Variants in KCNQ5 observed in about 807,000 individuals in gnomAD.
KCNQ5 encodes potassium voltage-gated channel subfamily Q member 5, also known as potassium voltage-gated channel subfamily KQT member 5.
KCNQ5 carries 30 observed loss-of-function variants against 98.2 expected under a neutral mutation model. That is an observed-to-expected ratio of 0.31 (90% CI 0.23 to 0.41). The LOEUF (loss-of-function observed/expected upper bound fraction) is 0.41, where lower values mean the gene tolerates loss of function less well. KCNQ5 is among the 10% of genes least tolerant of loss of function. KCNQ5 has a pLI of 1.00. For missense variants in KCNQ5, 835 were observed against 1,182.5 expected, an observed-to-expected ratio of 0.71 and a Z score of 4.31; for synonymous variants, 458 against 449.4, an observed-to-expected ratio of 1.02 and a Z score of -0.24.
intron 3 of KCNQ5, among the ~76,000 whole-genome samples, chr6:73,067,775 G>A (rs1773117347): frequency 6.6e-6 from 1 of 151,726 alleles, no homozygotes; most frequent in Non-Finnish European, 1.5e-5. Flanking sequence ...ACCTTTCTAG[G>A]CCATAGCTTC....
chr6:72,983,535 G>T (rs1335175166), intron 1 of KCNQ5, among the ~76,000 whole-genome samples: 1 of 152,024 alleles, frequency 6.6e-6, no homozygotes, highest in Non-Finnish European at 1.5e-5. Context: ...GTCATTTAAG[G>T]TCTTCTCTAC....
At chr6:72,930,899 G>A (rs1488860719) in intron 1 of KCNQ5, among the ~76,000 whole-genome samples, 23 of 152,090 alleles carry the variant, frequency 1.5e-4, no homozygotes. Flanking sequence ...AAGACACTTG[G>A]GAATCAATGA....
chr6:72,935,174 G>A (rs1229666167), intron 1 of KCNQ5, among the ~76,000 whole-genome samples: 2 of 148,498 alleles, frequency 1.3e-5, no homozygotes, highest in South Asian at 2.2e-4. Flanking sequence ...AGGTTCAAGC[G>A]ATTCTCCTGC....
intron 1 of KCNQ5, among the ~76,000 whole-genome samples, chr6:72,861,439 A>G (rs1463976472): frequency 1.3e-5 from 2 of 152,156 alleles, no homozygotes; most frequent in East Asian, 3.9e-4. Flanking sequence ...GAATCCCGGG[A>G]GCACATAGGC....
chr6:72,640,041 GC>G (rs1258250289), intron 1 of KCNQ5, among the ~76,000 whole-genome samples: 1 of 152,072 alleles, frequency 6.6e-6, no homozygotes, highest in Non-Finnish European at 1.5e-5. Flanking sequence ...AACTGCAAAG[GC>G]CCTGATAGAG....
intron 1 of KCNQ5, among the ~76,000 whole-genome samples, chr6:72,652,710 A>G (rs1386164510): frequency 6.6e-6 from 1 of 152,024 alleles, no homozygotes; most frequent in Non-Finnish European, 1.5e-5. Context: ...GTGAATGTCA[A>G]AAGAGCTGTA....
chr6:73,134,463 T>C (rs762514344), intron 10 of KCNQ5: 7 of 152,570 alleles, frequency 4.6e-5, no homozygotes, highest in Non-Finnish European at 1.0e-4. Context: ...TTTTCCTAAA[T>C]AACGTGTATT....
intron 1 of KCNQ5, among the ~76,000 whole-genome samples, chr6:72,661,925 A>G (rs900856826): frequency 6.6e-6 from 1 of 152,164 alleles, no homozygotes; most frequent in African/African-American, 2.4e-5. Flanking sequence ...ATGTTTAGCC[A>G]TCACAGCACC....
At chr6:72,895,708 A>G (rs1460881090) in intron 1 of KCNQ5, among the ~76,000 whole-genome samples, 4 of 149,670 alleles carry the variant, frequency 2.7e-5, no homozygotes. Context: ...TATATATTCA[A>G]CATATATATA....
intron 1 of KCNQ5, among the ~76,000 whole-genome samples, chr6:72,768,902 C>T (rs7775641): frequency 0.6 from 90,430 of 151,892 alleles, 26,939 homozygotes; most frequent in Admixed American, 0.63. Context: ...AAAAATATTT[C>T]ACTGCCCACT....
rs1265756317 is a variant in KCNQ5, at chr6:73,198,180, G to C, written c.*2766G>C. ...CACTGAGTAGCCATATGCTTTCTGA[G>C]TACAAGTGTGTCTGCCTTCTTCAAC... On this transcript the variant is annotated 3_prime_UTR_variant, in exon 14 of 14. Transcript: ENST00000370398. 2 of 152,160 alleles carry C rather than the reference G, an allele frequency of 1.3e-5. No individual in the cohort carries two copies. The highest frequency in any genetic ancestry group is 4.8e-5 in the African/African-American group (2 of 41,420). 9.4% of individuals were successfully genotyped at this position (152,160 alleles called of 1,614,324 possible).
At chr6:73,183,260 G>A (rs16883471) in intron 11 of KCNQ5, among the ~76,000 whole-genome samples, 7,313 of 152,276 alleles carry the variant, frequency 0.048, 199 homozygotes, top group East Asian at 0.1. Context: ...CTTGGCATCT[G>A]CAGTAACCTT....
intron 5 of KCNQ5, among the ~76,000 whole-genome samples, chr6:73,090,098 G>A (rs190705778): frequency 9.0e-6 from 1 of 110,860 alleles, no homozygotes; most frequent in Admixed American, 1.1e-4. Context: ...TTTTATTATG[G>A]CCATTTTTGC....
intron 3 of KCNQ5, among the ~76,000 whole-genome samples, chr6:73,045,714 G>A (rs565684014): frequency 1.3e-5 from 2 of 152,186 alleles, no homozygotes; most frequent in East Asian, 3.9e-4. Flanking sequence ...ATAGACCTAA[G>A]GCTGAAACTT....
chr6:72,907,549 G>T (rs1471776060), intron 1 of KCNQ5, among the ~76,000 whole-genome samples: 2 of 151,930 alleles, frequency 1.3e-5, no homozygotes, highest in Non-Finnish European at 1.5e-5. Flanking sequence ...GAAAATTGTG[G>T]CTATTTATCT....
chr6:73,054,253 T>C (rs552786465), intron 3 of KCNQ5, among the ~76,000 whole-genome samples: 76 of 152,164 alleles, frequency 5.0e-4, no homozygotes, highest in Admixed American at 1.7e-3. Context: ...CACAGCTGAA[T>C]ATTACAAGAA....
intron 1 of KCNQ5, among the ~76,000 whole-genome samples, chr6:72,946,188 T>C (rs1766539054): frequency 6.6e-6 from 1 of 152,198 alleles, no homozygotes; most frequent in South Asian, 2.1e-4. Flanking sequence ...ACATTCATAT[T>C]AACATGAAAA....
chr6:72,978,483 C>A (rs1768266022), intron 1 of KCNQ5, among the ~76,000 whole-genome samples: 1 of 152,164 alleles, frequency 6.6e-6, no homozygotes, highest in Non-Finnish European at 1.5e-5. Flanking sequence ...CTATTTGGTT[C>A]TTTCCACACT....
chr6:73,028,259 C>T (rs1372476865), intron 2 of KCNQ5, among the ~76,000 whole-genome samples: 1 of 152,184 alleles, frequency 6.6e-6, no homozygotes, highest in African/African-American at 2.4e-5. Flanking sequence ...GTGAACAACA[C>T]AGCTGCATAG....
Sources: allele counts gnomAD v4.1 joint callset (sites outside exome capture counted in the v4.1 genomes callset), GRCh38; gene constraint gnomAD v4.1.1; transcripts MANE v1.5; gene names NCBI Gene and HGNC (gene_info 2026-07-23, HGNC 2026-07-21).